The following PCSK5 variants were observed in gnomAD, a reference collection of about 807,000 sequenced individuals.
PCSK5 encodes proprotein convertase subtilisin/kexin type 5, also known as prohormone convertase 5.
In PCSK5, 129 loss-of-function variants were observed where a neutral mutation model predicts 233.2. That is an observed-to-expected ratio of 0.55 (90% CI 0.48 to 0.64). The LOEUF (loss-of-function observed/expected upper bound fraction) is 0.64, where lower values mean the gene tolerates loss of function less well. Ranked by LOEUF, PCSK5 falls within the 30% of genes least tolerant of loss-of-function variation. PCSK5 has a pLI of 0.00. For synonymous variants in PCSK5, 825 were observed against 879.2 expected (o/e 0.94, Z 1.09); for missense variants, 2,076 against 2,430.1 (o/e 0.85, Z 3.06).
intron 24 of PCSK5, among the ~76,000 whole-genome samples, chr9:76,268,822 G>A (rs917765216): frequency 1.3e-5 from 2 of 152,196 alleles, no homozygotes; most frequent in Non-Finnish European, 1.5e-5. Flanking sequence ...TCCAGTCTGG[G>A]TGACAGAGCA....
intron 24 of PCSK5, among the ~76,000 whole-genome samples, chr9:76,272,668 G>C (rs777001227): frequency 1.7e-4 from 26 of 150,266 alleles, no homozygotes; most frequent in African/African-American, 6.4e-4. Flanking sequence ...CTAGCTACTC[G>C]GGAGGCTGAG....
Position 75,908,680 on chromosome 9 carries a change from T to C in PCSK5, c.192+17307T>C, listed in dbSNP as rs371214767. Among the ~76,000 whole-genome samples the C allele has an allele frequency of 1.7e-4, 26 of 152,316 alleles. 1 individual carries two copies. In the East Asian group the frequency reaches 4.1e-3, roughly 24 times the overall value. On this transcript the variant is annotated intron_variant, in intron 1 of 37. Transcript: ENST00000674117. Reference sequence around the variant, plus strand: ...GGACATCCACATGCCCAGATCTCACTATGTTCTACAAAGCCTTTCTCAGAT... The same window carrying C: ...GGACATCCACATGCCCAGATCTCACCATGTTCTACAAAGCCTTTCTCAGAT...
At chr9:75,930,246 C>T (rs12346552) in intron 1 of PCSK5, among the ~76,000 whole-genome samples, 27,572 of 152,078 alleles carry the variant, frequency 0.18, 2,707 homozygotes, top group African/African-American at 0.23. Flanking sequence ...CTGGGTCCCT[C>T]CCACAACATG....
In PCSK5 at chr9:76,026,982, G is replaced by C; in HGVS notation, c.577G>C (p.Val193Leu). ...ATAGGATGCTCTGGCAAGTTGCGAC[G>C]TGAATGGGAATGACTTGGACCCAAT... ...QNYDALASCD[V>L]NGNDLDPMPR... The change falls in exon 5 of 38, where the codon GTG (valine) becomes CTG (leucine). Residue 193 changes from valine to leucine, a missense_variant. This residue lies in a region of PCSK5 where 178 missense variants were observed against 393.6 expected (regional missense o/e 0.45). Transcript: ENST00000674117. 1 of 1,608,686 alleles carries C rather than the reference G, an allele frequency of 6.2e-7. No homozygotes were observed. Among genetic ancestry groups the C allele is most frequent in the African/African-American group, 1.3e-5 (1 of 74,824 alleles).
intron 2 of PCSK5, among the ~76,000 whole-genome samples, chr9:75,951,959 C>A (rs917911441): frequency 6.6e-6 from 1 of 152,096 alleles, no homozygotes; most frequent in African/African-American, 2.4e-5. Flanking sequence ...GATGTCCCCA[C>A]CAACATTTCA....
At chr9:75,997,032 G>T (rs1367855214) in intron 3 of PCSK5, among the ~76,000 whole-genome samples, 1 of 152,032 alleles carries the variant, frequency 6.6e-6, no homozygotes, top group Non-Finnish European at 1.5e-5. Context: ...GTAGTGATCA[G>T]GGCACATTTT....
chr9:76,086,777 G>T (rs569083776), intron 7 of PCSK5, among the ~76,000 whole-genome samples: 119 of 152,272 alleles, frequency 7.8e-4, no homozygotes, highest in Non-Finnish European at 1.5e-3. Flanking sequence ...GCCTCTAACT[G>T]GCTCTGGTAA....
intron 8 of PCSK5, among the ~76,000 whole-genome samples, chr9:76,101,214 G>A (rs1043739503): frequency 9.2e-5 from 14 of 152,100 alleles, no homozygotes; most frequent in African/African-American, 1.4e-4. Context: ...ATAAATATTC[G>A]TGCATAAATG....
At chr9:76,047,756 A>G (rs1829474576) in intron 5 of PCSK5, among the ~76,000 whole-genome samples, 1 of 152,242 alleles carries the variant, frequency 6.6e-6, no homozygotes, top group South Asian at 2.1e-4. Flanking sequence ...AATTGAGGCC[A>G]GAGTCTTGTT....
At chr9:75,983,167 A>G (rs541750828) in intron 2 of PCSK5, among the ~76,000 whole-genome samples, 161 of 152,284 alleles carry the variant, frequency 1.1e-3, no homozygotes, top group African/African-American at 3.6e-3. Flanking sequence ...AATTATTATA[A>G]TACTTTTTAA....
At position 76,358,997 on chromosome 9, in the gene PCSK5, C is replaced by A; in HGVS notation, c.*75C>A. Reference sequence around the variant, plus strand: ...GAGCATCACTGTTTTTGGTTTTATCCCCACACCAGGCTGATGTGTGAGTTT... The same window carrying A: ...GAGCATCACTGTTTTTGGTTTTATCACCACACCAGGCTGATGTGTGAGTTT... On this transcript the variant is annotated 3_prime_UTR_variant, in exon 38 of 38. Coordinates refer to ENST00000674117, the MANE Select transcript of PCSK5 (RefSeq NM_001372043.1). 8.0e-7 allele frequency: 1 copy of A among 1,256,198 alleles called. No individual in the cohort carries two copies. Among genetic ancestry groups the A allele is most frequent in the Non-Finnish European group, 1.1e-6 (1 of 881,268 alleles). The allele number at this position is 1,256,198 out of a possible 1,614,324, so 77.8% of individuals were successfully genotyped here. A position where few individuals can be genotyped will look rare whatever the true frequency, so the allele number is the denominator to read the frequency against.
At chr9:76,167,215 A>G (rs1823121560) in intron 12 of PCSK5, among the ~76,000 whole-genome samples, 1 of 151,046 alleles carries the variant, frequency 6.6e-6, no homozygotes, top group Admixed American at 6.6e-5. Flanking sequence ...TCGAGAGGGA[A>G]CCTTTATAGA....
chr9:76,269,063 T>G (rs1291047378), intron 24 of PCSK5, among the ~76,000 whole-genome samples: 2 of 152,200 alleles, frequency 1.3e-5, no homozygotes, highest in Non-Finnish European at 2.9e-5. Flanking sequence ...GTGGGCCAGC[T>G]GGGGACTGAG....
intron 17 of PCSK5, among the ~76,000 whole-genome samples, chr9:76,186,264 G>A (rs957478271): frequency 2.6e-5 from 4 of 152,044 alleles, no homozygotes; most frequent in Non-Finnish European, 5.9e-5. Context: ...AGAAATATTT[G>A]ATCTTTATTT....
chr9:75,982,788 T>C (rs1201503124), intron 2 of PCSK5, among the ~76,000 whole-genome samples: 1 of 151,790 alleles, frequency 6.6e-6, no homozygotes, highest in Non-Finnish European at 1.5e-5. Context: ...TCACATTATT[T>C]TTATGTAGTT....
intron 13 of PCSK5, among the ~76,000 whole-genome samples, chr9:76,174,654 T>C (rs1823491838): frequency 6.6e-6 from 1 of 152,088 alleles, no homozygotes; most frequent in African/African-American, 2.4e-5. Context: ...TTCTATTAAG[T>C]CCTGGGATTC....
chr9:76,021,505 G>C (rs571355139), intron 3 of PCSK5, among the ~76,000 whole-genome samples: 9 of 152,250 alleles, frequency 5.9e-5, no homozygotes, highest in African/African-American at 1.9e-4. Flanking sequence ...TAGTAGAGTA[G>C]AATAGTAGAG....
chr9:75,920,295 T>C (rs1230203802), intron 1 of PCSK5, among the ~76,000 whole-genome samples: 1 of 152,142 alleles, frequency 6.6e-6, no homozygotes, highest in Admixed American at 6.5e-5. Flanking sequence ...TGTTTTTTGC[T>C]TTGGTTTGTT....
intron 1 of PCSK5, among the ~76,000 whole-genome samples, chr9:75,924,102 G>T (rs993665414): frequency 4.6e-5 from 7 of 152,148 alleles, no homozygotes; most frequent in African/African-American, 1.4e-4. Context: ...GGAGGTTAGG[G>T]TGTAGACATT....
Sources: gnomAD v4.1 joint callset for allele counts (sites outside exome capture counted in the v4.1 genomes callset) on GRCh38, gnomAD v4.1.1 for gene constraint, gnomAD v4.1.1 regional missense constraint, MANE v1.5 for transcripts, NCBI Gene and HGNC (gene_info 2026-07-23, HGNC 2026-07-21) for gene names.